The following BCHE variants were observed in gnomAD, a reference collection of about 807,000 sequenced individuals.
The protein encoded by BCHE is butyrylcholinesterase.
BCHE carries 48 observed loss-of-function variants against 51.3 expected under a neutral mutation model. The observed-to-expected ratio is 0.94, with a 90% CI of 0.74 to 1.19. BCHE has a LOEUF of 1.19. Ranked by LOEUF, BCHE falls within the 50% of genes most tolerant of loss-of-function variation. The pLI, the probability that BCHE is intolerant of heterozygous loss-of-function variation, is 0.00. For synonymous variants in BCHE, 251 were observed against 238.0 expected (o/e 1.05, Z -0.50); for missense variants, 847 against 708.2 (o/e 1.20, Z -2.23).
Position 165,789,235 on chromosome 3 carries a change from C to T in BCHE, c.1518-2924G>A, listed in dbSNP as rs144153185. Among the ~76,000 whole-genome samples the T allele has an allele frequency of 3.5e-3, 529 of 152,008 alleles. 3 individuals are homozygous for T. Among genetic ancestry groups the T allele is most frequent in the African/African-American group, 0.012 (504 of 41,498 alleles). ...ATACCAAAATGCTCTACAGATCACC[C>T]ATTAGAATTTTCTTCATATGTAGGT... On this transcript the variant is annotated intron_variant, in intron 2 of 3. Transcript: ENST00000264381.
intron 2 of BCHE, among the ~76,000 whole-genome samples, chr3:165,824,798 C>T (rs1157444548): frequency 2.0e-5 from 3 of 151,702 alleles, no homozygotes; most frequent in Non-Finnish European, 2.9e-5. Flanking sequence ...TATCCAAGGA[C>T]TGTACATGTA....
chr3:165,804,597 G>C (rs1713802952), intron 2 of BCHE, among the ~76,000 whole-genome samples: 1 of 152,078 alleles, frequency 6.6e-6, no homozygotes, highest in Non-Finnish European at 1.5e-5. Context: ...TAAGTTAATT[G>C]ATTTTGCGAT....
chr3:165,831,155 CAAAT>C, intron 1 of BCHE, 114 bp from the exon 2 acceptor site: 2 of 955,818 alleles, frequency 2.1e-6, no homozygotes, highest in South Asian at 1.6e-5. Flanking sequence ...ATTATGAAAA[CAAAT>C]AAACCTGCTT....
chr3:165,827,811 CT>C (rs1714786868), intron 2 of BCHE, among the ~76,000 whole-genome samples: 1 of 152,048 alleles, frequency 6.6e-6, no homozygotes, highest in Non-Finnish European at 1.5e-5. Context: ...GCTGATCGTT[CT>C]TTCCTTGAGC....
At chr3:165,778,842 T>G in intron 3 of BCHE, 2 of 239,122 alleles carry the variant, frequency 8.4e-6, no homozygotes, top group South Asian at 4.8e-5. Context: ...CCAGAAAACA[T>G]TCAGAAACTA....
At chr3:165,819,538 A>G (rs1714438003) in intron 2 of BCHE, among the ~76,000 whole-genome samples, 1 of 152,154 alleles carries the variant, frequency 6.6e-6, no homozygotes, top group African/African-American at 2.4e-5. Flanking sequence ...TTTACCAGTA[A>G]GTGACACTAC....
chr3:165,773,982 T>G (rs1576830592), intron 3 of BCHE, among the ~76,000 whole-genome samples: 1 of 152,062 alleles, frequency 6.6e-6, no homozygotes, highest in African/African-American at 2.4e-5. Flanking sequence ...TTCTAGGACC[T>G]CTCAGGGATA....
intron 3 of BCHE, among the ~76,000 whole-genome samples, chr3:165,774,046 A>G (rs970445926): frequency 1.3e-5 from 2 of 152,144 alleles, no homozygotes; most frequent in Non-Finnish European, 1.5e-5. Context: ...ACATTTTCAC[A>G]TAAGCCATGC....
At chr3:165,775,573 T>G (rs1712439220) in intron 3 of BCHE, among the ~76,000 whole-genome samples, 1 of 151,654 alleles carries the variant, frequency 6.6e-6, no homozygotes, top group African/African-American at 2.4e-5. Context: ...AATTTAAAAT[T>G]TAGACCATGA....
At chr3:165,783,653 CTT>C (rs920841378) in intron 3 of BCHE, among the ~76,000 whole-genome samples, 1 of 151,982 alleles carries the variant, frequency 6.6e-6, no homozygotes, top group Non-Finnish European at 1.5e-5. Context: ...TTGGATCTAA[CTT>C]TTTTTCTTCA....
chr3:165,807,472 T>G (rs1713908335), intron 2 of BCHE, among the ~76,000 whole-genome samples: 1 of 151,852 alleles, frequency 6.6e-6, no homozygotes, highest in Non-Finnish European at 1.5e-5. Context: ...ACTCAGATAT[T>G]TATTTAATAA....
Position 165,820,751 on chromosome 3 carries a change from G to C in BCHE, c.1517+8766C>G, listed in dbSNP as rs1576864651. ...ATGACAGTCTCACAAACTTAAACTT[G>C]CCTCTAAGTCTCATGATGTCTAATT... On this transcript the variant is annotated intron_variant, in intron 2 of 3. Transcript: ENST00000264381. Among the ~76,000 whole-genome samples, 2 of 151,922 alleles carry C rather than the reference G, an allele frequency of 1.3e-5. 1 individual carries two copies. Among genetic ancestry groups the C allele is most frequent in the Admixed American group, 1.3e-4 (2 of 15,218 alleles).
chr3:165,825,429 G>A (rs1560020823), intron 2 of BCHE, among the ~76,000 whole-genome samples: 1 of 151,694 alleles, frequency 6.6e-6, no homozygotes, highest in Non-Finnish European at 1.5e-5. Context: ...GTTGGTGTAG[G>A]GAAATATTTA....
intron 2 of BCHE, among the ~76,000 whole-genome samples, chr3:165,816,383 T>C (rs138352006): frequency 1.1e-3 from 163 of 152,168 alleles, no homozygotes; most frequent in African/African-American, 3.8e-3. Flanking sequence ...CACAATCATG[T>C]TGCAATATTC....
chr3:165,802,341 A>C (rs185343374), intron 2 of BCHE, among the ~76,000 whole-genome samples: 315 of 152,332 alleles, frequency 2.1e-3, no homozygotes, highest in African/African-American at 6.9e-3. Context: ...ATTTTATTCA[A>C]GATAAAATTA....
intron 3 of BCHE, among the ~76,000 whole-genome samples, chr3:165,776,281 C>T (rs1712468105): frequency 6.6e-6 from 1 of 151,874 alleles, no homozygotes; most frequent in South Asian, 2.1e-4. Context: ...ATTGTAACCT[C>T]AACCAAAATG....
intron 3 of BCHE, among the ~76,000 whole-genome samples, chr3:165,782,766 G>C (rs543885207): frequency 3.9e-5 from 6 of 152,088 alleles, no homozygotes; most frequent in Non-Finnish European, 8.8e-5. Context: ...ATCAAGCAAC[G>C]TAGACTGTTG....
chr3:165,820,930 A>G (rs986558268), intron 2 of BCHE, among the ~76,000 whole-genome samples: 2 of 152,018 alleles, frequency 1.3e-5, no homozygotes, highest in Non-Finnish European at 2.9e-5. Flanking sequence ...TGGCGAATGT[A>G]TAATACAAGG....
chr3:165,791,290 A>G (rs1713154654), intron 2 of BCHE, among the ~76,000 whole-genome samples: 1 of 151,276 alleles, frequency 6.6e-6, no homozygotes, highest in South Asian at 2.1e-4. Flanking sequence ...GCAAGACTCC[A>G]TCTTGGGGGG....
Sources: gnomAD v4.1 joint callset for allele counts (sites outside exome capture counted in the v4.1 genomes callset) on GRCh38, gnomAD v4.1.1 for gene constraint, MANE v1.5 for transcripts, NCBI Gene and HGNC (gene_info 2026-07-23, HGNC 2026-07-21) for gene names.